HIKESHI: variants seen among roughly 807,000 people sequenced by gnomAD.
HIKESHI encodes the protein heat shock protein nuclear import factor hikeshi.
A neutral mutation model predicts 25.7 loss-of-function variants in HIKESHI; 13 were observed. The ratio of observed to expected loss-of-function variants is 0.51; its 90% confidence interval spans 0.33 to 0.80. The LOEUF (loss-of-function observed/expected upper bound fraction) is 0.80. Ranked by LOEUF, HIKESHI falls within the 30% of genes least tolerant of loss-of-function variation. The pLI, the probability that HIKESHI is intolerant of heterozygous loss-of-function variation, is 0.02. For synonymous variants in HIKESHI, 76 were observed against 78.7 expected (o/e 0.97, Z 0.18); for missense variants, 174 against 229.5 (o/e 0.76, Z 1.56).
intron 2 of HIKESHI, among the ~76,000 whole-genome samples, chr11:86,312,326 G>A (rs1278930075): frequency 1.3e-5 from 2 of 152,054 alleles, no homozygotes; most frequent in Non-Finnish European, 2.9e-5. Flanking sequence ...GGCCTTCTTT[G>A]TCTCTTTTGA....
At chr11:86,304,479 C>T (rs761571115) in intron 1 of HIKESHI, among the ~76,000 whole-genome samples, 24 of 151,396 alleles carry the variant, frequency 1.6e-4, no homozygotes, top group Non-Finnish European at 3.4e-4. Flanking sequence ...GCATGTTCTA[C>T]CTCAGCTGCC....
At chr11:86,307,812 ATATT>A (rs1165957461) in intron 2 of HIKESHI, among the ~76,000 whole-genome samples, 17 of 121,884 alleles carry the variant, frequency 1.4e-4, no homozygotes, top group African/African-American at 5.0e-4. Context: ...TATAAAATAT[ATATT>A]ATGTGTAATA....
At chr11:86,302,957 A>T (rs1946534540) in intron 1 of HIKESHI, among the ~76,000 whole-genome samples, 1 of 152,120 alleles carries the variant, frequency 6.6e-6, no homozygotes, top group African/African-American at 2.4e-5. Flanking sequence ...GTGCTCAGGG[A>T]ATGTATATCT....
intron 3 of HIKESHI, 146 bp from the exon 4 acceptor site, chr11:86,344,457 C>G (rs180959087): frequency 2.0e-6 from 1 of 504,328 alleles, no homozygotes; most frequent in South Asian, 4.7e-5. Flanking sequence ...CATGAGCCAC[C>G]GCACCCAGCC....
At chr11:86,326,027 G>A (rs748661106) in intron 2 of HIKESHI, among the ~76,000 whole-genome samples, 16 of 152,306 alleles carry the variant, frequency 1.1e-4, no homozygotes, top group Non-Finnish European at 2.4e-4. Context: ...GCCAGGCACC[G>A]TGGCTCACGC....
At chr11:86,334,789 C>G (rs1404608686) in intron 2 of HIKESHI, among the ~76,000 whole-genome samples, 1 of 152,200 alleles carries the variant, frequency 6.6e-6, no homozygotes, top group Non-Finnish European at 1.5e-5. Flanking sequence ...GCTAGGACCA[C>G]AAGCATGCAC....
rs1455390888 is a variant in HIKESHI, at chr11:86,345,688, G to T, written c.*50G>T. The T allele has an allele frequency of 8.6e-7, 1 of 1,164,756 alleles. No individual in the cohort carries two copies. The highest frequency in any genetic ancestry group is 1.2e-6 in the Non-Finnish European group (1 of 802,550). 72.2% of individuals were successfully genotyped at this position (1,164,756 alleles called of 1,614,324 possible). On this transcript the variant is annotated 3_prime_UTR_variant, in exon 5 of 5. Coordinates refer to ENST00000278483, the MANE Select transcript of HIKESHI (RefSeq NM_016401.4). ...ATTCTGAAATTTGTCATGTTTTGAA[G>T]ATAACTGACTCCATCTAAAAGTATG...
At chr11:86,314,584 G>A (rs1407006747) in intron 2 of HIKESHI, among the ~76,000 whole-genome samples, 1 of 152,002 alleles carries the variant, frequency 6.6e-6, no homozygotes, top group Non-Finnish European at 1.5e-5. Context: ...TCATGCTATT[G>A]CACTCCAGCC....
chr11:86,306,678 T>C (rs957983701), intron 2 of HIKESHI, among the ~76,000 whole-genome samples, 196 bp downstream of exon 2: 1 of 152,114 alleles, frequency 6.6e-6, no homozygotes, highest in African/African-American at 2.4e-5. Flanking sequence ...CTCTTGTTGT[T>C]CATTTTGTGT....
intron 2 of HIKESHI, among the ~76,000 whole-genome samples, chr11:86,327,179 T>A (rs1688225208): frequency 1.3e-5 from 2 of 152,326 alleles, no homozygotes; most frequent in South Asian, 4.1e-4. Context: ...TTATAATGAT[T>A]GAAAAATGAA....
chr11:86,344,897 A>G (rs1179691483), intron 4 of HIKESHI, 176 bp downstream of exon 4: 2 of 519,072 alleles, frequency 3.9e-6, no homozygotes, highest in Non-Finnish European at 6.5e-6. Flanking sequence ...CTTACCCTAA[A>G]TATTTTGTTA....
At position 86,321,823 on chromosome 11, in the gene HIKESHI, C is replaced by T. The variant is rs1409692588; in HGVS notation, c.268+15341C>T. ...GGGATTACAGACGCGAGTCTCCACG[C>T]CTGGCCTTGTTTTACATTTCAACCA... On this transcript the variant is annotated intron_variant, in intron 2 of 4. Coordinates refer to ENST00000278483, the MANE Select transcript of HIKESHI (RefSeq NM_016401.4). 2.0e-5 allele frequency among the ~76,000 whole-genome samples: 3 copies of T among 152,178 alleles called. No individual in the cohort carries two copies. The South Asian group carries it at 6.2e-4, about 32-fold the overall frequency.
intron 2 of HIKESHI, among the ~76,000 whole-genome samples, chr11:86,326,145 A>C (rs1451616527): frequency 5.3e-5 from 8 of 152,124 alleles, no homozygotes; most frequent in Admixed American, 4.6e-4. Context: ...TAAAAATACA[A>C]AAATTAGCTG....
At chr11:86,332,703 C>CT (rs1306970032) in intron 2 of HIKESHI, among the ~76,000 whole-genome samples, 1 of 152,176 alleles carries the variant, frequency 6.6e-6, no homozygotes, top group Non-Finnish European at 1.5e-5. Context: ...AGTTGGCAAA[C>CT]TTTTTTGTGA....
Position 86,345,750 on chromosome 11 carries a change from C to A in HIKESHI, c.*112C>A. The A allele has an allele frequency of 2.0e-6, 1 of 489,660 alleles. No individual in the cohort carries two copies. Among genetic ancestry groups the A allele is most frequent in the Non-Finnish European group, 3.6e-6 (1 of 278,560 alleles). 30.3% of individuals were successfully genotyped at this position (489,660 alleles called of 1,614,324 possible). ...TCACGAAACCTAAGTTTAAAAACTG[C>A]TTAGAGACTGAAGCTTAATTAAAAA... On this transcript the variant is annotated 3_prime_UTR_variant, in exon 5 of 5. Transcript: ENST00000278483.
At chr11:86,308,041 A>G (rs1163301448) in intron 2 of HIKESHI, among the ~76,000 whole-genome samples, 1 of 125,072 alleles carries the variant, frequency 8.0e-6, no homozygotes, top group Non-Finnish European at 1.5e-5. Context: ...ATATAATTAT[A>G]TATAAATTAC....
At chr11:86,340,690 G>T (rs1481992373) in intron 3 of HIKESHI, among the ~76,000 whole-genome samples, 1 of 152,172 alleles carries the variant, frequency 6.6e-6, no homozygotes, top group Non-Finnish European at 1.5e-5. Context: ...CTGTTGCCCA[G>T]GCTGGAGTGC....
intron 2 of HIKESHI, among the ~76,000 whole-genome samples, chr11:86,335,243 C>CT (rs1172743763): frequency 6.6e-6 from 1 of 152,102 alleles, no homozygotes; most frequent in Non-Finnish European, 1.5e-5. Flanking sequence ...TTTATGTCAC[C>CT]TAACTTGGAA....
At chr11:86,303,358 T>C in intron 1 of HIKESHI, 1 of 967,248 alleles carries the variant, frequency 1.0e-6, no homozygotes, top group African/African-American at 1.8e-5. Context: ...CATATACAGT[T>C]CTAAGAAGCC....
Sources: gnomAD v4.1 joint callset for allele counts (sites outside exome capture counted in the v4.1 genomes callset) on GRCh38, gnomAD v4.1.1 for gene constraint, MANE v1.5 for transcripts, NCBI Gene and HGNC (gene_info 2026-07-23, HGNC 2026-07-21) for gene names.